INPP4B: variants seen among roughly 807,000 people sequenced by gnomAD.
INPP4B encodes the protein inositol polyphosphate-4-phosphatase type II B, also known as inositol polyphosphate 4-phosphatase type II.
Under a neutral mutation model 122.5 loss-of-function variants are expected in INPP4B, and 55 were observed. That is an observed-to-expected ratio of 0.45 (90% CI 0.36 to 0.56). The LOEUF is 0.56. INPP4B is among the 20% of genes least tolerant of loss of function. The probability of loss-of-function intolerance (pLI) is 0.00; values close to 1 mark genes in which losing one functional copy is unlikely to be tolerated. For missense variants in INPP4B, 1,000 were observed against 1,097.7 expected (o/e 0.91, Z 1.26); for synonymous variants, 403 against 388.7 (o/e 1.04, Z -0.43).
At chr4:142,284,921 T>C (rs1387218519) in intron 9 of INPP4B, among the ~76,000 whole-genome samples, 1 of 152,130 alleles carries the variant, frequency 6.6e-6, no homozygotes, top group African/African-American at 2.4e-5. Flanking sequence ...AATTTATATT[T>C]TGCTTGTGGA....
intron 1 of INPP4B, among the ~76,000 whole-genome samples, chr4:142,755,537 TAAAG>T (rs1341309500): frequency 1.3e-5 from 2 of 151,840 alleles, no homozygotes; most frequent in Non-Finnish European, 1.5e-5. Flanking sequence ...AGAAAAAAAA[TAAAG>T]AAGCCCTTAC....
chr4:142,740,214 C>CA (rs1195572105), intron 1 of INPP4B, among the ~76,000 whole-genome samples: 6 of 151,702 alleles, frequency 4.0e-5, no homozygotes, highest in African/African-American at 1.5e-4. Context: ...ACAGAAAACC[C>CA]AAAAAATCTA....
At chr4:142,029,088 C>A in intron 25 of INPP4B, 174 bp from the exon 26 acceptor site, 1 of 1,365,990 alleles carries the variant, frequency 7.3e-7, no homozygotes, top group Non-Finnish European at 9.4e-7. Flanking sequence ...CTAGGCCAGG[C>A]CCAATACCAT....
At chr4:142,176,118 T>TTTTTTATTATTA (rs1553997293) in intron 15 of INPP4B, among the ~76,000 whole-genome samples, 2 of 137,620 alleles carry the variant, frequency 1.5e-5, no homozygotes, top group East Asian at 2.1e-4. Context: ...ACTGCTTTCT[T>TTTTTTATTATTA]TTATTATTAT....
intron 1 of INPP4B, among the ~76,000 whole-genome samples, chr4:142,734,000 T>C (rs1766462260): frequency 6.6e-6 from 1 of 152,186 alleles, no homozygotes; most frequent in South Asian, 2.1e-4. Flanking sequence ...GTATGTACTA[T>C]AGGAAAACAT....
chr4:142,541,659 C>G (rs1441474692), intron 2 of INPP4B, among the ~76,000 whole-genome samples: 2 of 152,146 alleles, frequency 1.3e-5, no homozygotes, highest in Non-Finnish European at 2.9e-5. Flanking sequence ...AGATGCTAGG[C>G]TTTGTTGGTA....
chr4:142,823,102 C>T (rs1780998952), intron 1 of INPP4B, among the ~76,000 whole-genome samples: 1 of 152,132 alleles, frequency 6.6e-6, no homozygotes, highest in African/African-American at 2.4e-5. Flanking sequence ...ACAAAGGCCA[C>T]TTTAGTTCAC....
chr4:142,189,786 AG>A (rs1405555664), intron 15 of INPP4B, among the ~76,000 whole-genome samples: 1 of 152,190 alleles, frequency 6.6e-6, no homozygotes, highest in Non-Finnish European at 1.5e-5. Context: ...GTGGGTGATG[AG>A]GGTAGACACT....
At chr4:142,752,454 T>C (rs1314054295) in intron 1 of INPP4B, among the ~76,000 whole-genome samples, 1 of 152,114 alleles carries the variant, frequency 6.6e-6, no homozygotes, top group African/African-American at 2.4e-5. Context: ...CGCCCAAGCT[T>C]CTGTCCCTAA....
intron 2 of INPP4B, among the ~76,000 whole-genome samples, chr4:142,470,221 A>G (rs1322773213): frequency 6.6e-6 from 1 of 152,130 alleles, no homozygotes; most frequent in Non-Finnish European, 1.5e-5. Flanking sequence ...TTTGCAACAA[A>G]GGCAATATAC....
chr4:142,498,067 C>A (rs142692177), intron 2 of INPP4B, among the ~76,000 whole-genome samples: 117 of 151,328 alleles, frequency 7.7e-4, no homozygotes, highest in Non-Finnish European at 1.4e-3. Context: ...TATAGCACAA[C>A]TACCTTATTT....
chr4:142,762,274 A>G (rs1380556533), intron 1 of INPP4B, among the ~76,000 whole-genome samples: 1 of 152,180 alleles, frequency 6.6e-6, no homozygotes, highest in Non-Finnish European at 1.5e-5. Flanking sequence ...AGAAATAGAA[A>G]GCCATCACCA....
intron 2 of INPP4B, among the ~76,000 whole-genome samples, chr4:142,486,298 G>T (rs1185416629): frequency 6.6e-6 from 1 of 152,132 alleles, no homozygotes; most frequent in African/African-American, 2.4e-5. Flanking sequence ...CCAACATTTA[G>T]ACTTCTTAAT....
intron 2 of INPP4B, among the ~76,000 whole-genome samples, chr4:142,541,385 G>C (rs1828923174): frequency 6.6e-6 from 1 of 152,054 alleles, no homozygotes. Flanking sequence ...TGTCTGCAAG[G>C]GTTCTGGTTG....
At chr4:142,624,376 G>A (rs951935155) in intron 2 of INPP4B, among the ~76,000 whole-genome samples, 2 of 151,662 alleles carry the variant, frequency 1.3e-5, no homozygotes, top group Non-Finnish European at 2.9e-5. Context: ...CTTTTGAGAA[G>A]TGTCTGTTCA....
intron 2 of INPP4B, among the ~76,000 whole-genome samples, chr4:142,623,771 A>G (rs1361522373): frequency 7.7e-6 from 1 of 130,222 alleles, no homozygotes; most frequent in Non-Finnish European, 1.6e-5. Context: ...TCCTGTGTCC[A>G]TGTGTTCTCA....
At chr4:142,684,727 A>G (rs1580703632) in intron 2 of INPP4B, among the ~76,000 whole-genome samples, 1 of 152,182 alleles carries the variant, frequency 6.6e-6, no homozygotes, top group East Asian at 1.9e-4. Flanking sequence ...TATCCTTGAT[A>G]TTTAGCCGCA....
At chr4:142,545,946 T>G (rs1829597550) in intron 2 of INPP4B, among the ~76,000 whole-genome samples, 1 of 151,934 alleles carries the variant, frequency 6.6e-6, no homozygotes, top group Non-Finnish European at 1.5e-5. Flanking sequence ...TTAATTTTTA[T>G]TTTTAGTTCA....
At chr4:142,754,979 C>T (rs1770305168) in intron 1 of INPP4B, among the ~76,000 whole-genome samples, 1 of 151,912 alleles carries the variant, frequency 6.6e-6, no homozygotes, top group African/African-American at 2.4e-5. Context: ...TTAGACCTGC[C>T]TCATATTGCA....
Sources: gnomAD v4.1 joint callset for allele counts (sites outside exome capture counted in the v4.1 genomes callset) on GRCh38, gnomAD v4.1.1 for gene constraint, MANE v1.5 for transcripts, NCBI Gene and HGNC (gene_info 2026-07-23, HGNC 2026-07-21) for gene names.